Variants in COG5 observed in about 807,000 individuals in gnomAD.
COG5 encodes the protein conserved oligomeric Golgi complex subunit 5.
In COG5, 86 loss-of-function variants were observed where a neutral mutation model predicts 110.4. That is an observed-to-expected ratio of 0.78 (90% confidence interval 0.65 to 0.93). COG5 has a LOEUF of 0.93. Ranked by LOEUF, COG5 falls within the 40% of genes least tolerant of loss-of-function variation. COG5 has a pLI of 0.00. For synonymous variants in COG5, 360 were observed against 334.6 expected (o/e 1.08, Z -0.83); for missense variants, 1,077 against 987.0 (o/e 1.09, Z -1.22).
chr7:107,347,189 T>C (rs1013262123), intron 10 of COG5, among the ~76,000 whole-genome samples: 51 of 152,190 alleles, frequency 3.4e-4, no homozygotes, highest in African/African-American at 1.2e-3. Context: ...CCTGACATTC[T>C]TTCAAATGTT....
chr7:107,452,231 C>T (rs1795383902), intron 6 of COG5, among the ~76,000 whole-genome samples: 1 of 152,194 alleles, frequency 6.6e-6, no homozygotes, highest in Admixed American at 6.5e-5. Context: ...ATCCATTTGA[C>T]ATTATTGTCA....
intron 6 of COG5, among the ~76,000 whole-genome samples, chr7:107,524,184 C>T (rs933318457): frequency 1.3e-5 from 2 of 152,142 alleles, no homozygotes; most frequent in Non-Finnish European, 1.5e-5. Context: ...GTGTACAATG[C>T]AGTGGTTTTT....
At chr7:107,421,999 TTTG>T (rs1470877107) in intron 6 of COG5, among the ~76,000 whole-genome samples, 1 of 152,142 alleles carries the variant, frequency 6.6e-6, no homozygotes, top group Non-Finnish European at 1.5e-5. Flanking sequence ...GAAGAAAAAC[TTTG>T]TTATTAGAAA....
chr7:107,554,494 G>T (rs1232896109), intron 2 of COG5, 152 bp from the exon 3 acceptor site: 7 of 701,912 alleles, frequency 1.0e-5, no homozygotes, highest in Non-Finnish European at 1.3e-5. Context: ...TGTCTGAGAT[G>T]AGTTGTAAGC....
chr7:107,362,343 T>C lies in COG5; in HGVS notation c.913A>G (p.Lys305Glu). ...LRASFWTNME[K>E]LMDHIYAVCG... ...ACAGCATAAATATGATCCATAAGTTTCTCCATATTGGTCCAGAATGAGGCA... is the reference window on the plus strand; with the variant it reads ...ACAGCATAAATATGATCCATAAGTTCCTCCATATTGGTCCAGAATGAGGCA... Residue 305 changes from lysine (K) to glutamate (E), a missense_variant, in exon 9 of 22, where the codon AAA becomes GAA. Physicochemically the swap from Lys to Glu is moderately conservative, Grantham distance 56. Transcript: ENST00000297135. 8 of 1,613,244 alleles carry C rather than the reference T, an allele frequency of 5.0e-6. No individual in the cohort carries two copies. Among genetic ancestry groups the C allele is most frequent in the Non-Finnish European group, 6.8e-6 (8 of 1,179,228 alleles).
chr7:107,480,699 A>C (rs1486147932), intron 6 of COG5: 1 of 152,166 alleles, frequency 6.6e-6, no homozygotes. Flanking sequence ...GGCTGCACAT[A>C]CTAGAAATAT....
intron 6 of COG5, among the ~76,000 whole-genome samples, chr7:107,413,437 A>T (rs1430815065): frequency 6.6e-6 from 1 of 152,116 alleles, no homozygotes; most frequent in East Asian, 1.9e-4. Context: ...AAAGGGCTCT[A>T]AGAGCTGGGA....
chr7:107,375,819 T>C (rs1223002545), intron 7 of COG5, among the ~76,000 whole-genome samples: 1 of 152,018 alleles, frequency 6.6e-6, no homozygotes, highest in Admixed American at 6.5e-5. Flanking sequence ...CTAATTTGAA[T>C]GTAGCCCATT....
intron 17 of COG5, among the ~76,000 whole-genome samples, chr7:107,239,756 T>C (rs1407264511): frequency 1.3e-5 from 2 of 152,044 alleles, no homozygotes; most frequent in Non-Finnish European, 2.9e-5. Context: ...CAGGTGCATG[T>C]TGTTTAAGTT....
At chr7:107,429,151 A>T (rs938187663) in intron 6 of COG5, among the ~76,000 whole-genome samples, 2 of 152,196 alleles carry the variant, frequency 1.3e-5, no homozygotes, top group Non-Finnish European at 2.9e-5. Context: ...TTTTATCTAA[A>T]ATATTTTAGC....
chr7:107,230,331 A>G (rs1562923920), intron 19 of COG5, among the ~76,000 whole-genome samples: 1 of 152,114 alleles, frequency 6.6e-6, no homozygotes, highest in Admixed American at 6.6e-5. Flanking sequence ...TAAGAATCGG[A>G]AGCTAAAAAT....
chr7:107,402,499 G>T (rs1791509202), intron 7 of COG5, among the ~76,000 whole-genome samples: 1 of 152,158 alleles, frequency 6.6e-6, no homozygotes, highest in African/African-American at 2.4e-5. Flanking sequence ...TTTACTGTGG[G>T]GGACTGGTAT....
chr7:107,366,272 T>C (rs942067034), intron 8 of COG5, among the ~76,000 whole-genome samples: 4 of 152,076 alleles, frequency 2.6e-5, no homozygotes, highest in African/African-American at 9.7e-5. Flanking sequence ...AATGCAAAGA[T>C]ACTGGAAGCA....
intron 6 of COG5, among the ~76,000 whole-genome samples, chr7:107,482,530 G>A (rs752366362): frequency 2.9e-4 from 44 of 151,960 alleles, no homozygotes; most frequent in Non-Finnish European, 5.9e-4. Context: ...GACAGACTAT[G>A]TATCAAGGTG....
intron 10 of COG5, among the ~76,000 whole-genome samples, chr7:107,330,665 T>C (rs1229160463): frequency 6.6e-6 from 1 of 152,156 alleles, no homozygotes; most frequent in African/African-American, 2.4e-5. Context: ...TGAAGTCAAA[T>C]AACCTTGACT....
At chr7:107,394,562 G>C (rs1405683218) in intron 7 of COG5, among the ~76,000 whole-genome samples, 2 of 152,218 alleles carry the variant, frequency 1.3e-5, no homozygotes, top group African/African-American at 4.8e-5. Context: ...TAATGGAACA[G>C]AGATGTAGCA....
Position 107,524,856 on chromosome 7 carries a change from T to C in COG5, c.538+2381A>G, listed in dbSNP as rs183657294. 2.2e-4 allele frequency among the ~76,000 whole-genome samples: 34 copies of C among 152,314 alleles called. 1 individual carries two copies. In the East Asian group the frequency reaches 4.0e-3, roughly 18 times the overall value. The stretch of plus-strand genomic sequence containing the variant: ...TAAAGCCAACAGCACATTGGAAGGA[T>C]AATGGTTTTACACTGCATTATACTA... On this transcript the variant is annotated intron_variant, in intron 6 of 21. Coordinates refer to ENST00000297135, the MANE Select transcript of COG5 (RefSeq NM_006348.5).
chr7:107,300,224 A>G (rs1308515342), intron 11 of COG5, among the ~76,000 whole-genome samples: 1 of 152,152 alleles, frequency 6.6e-6, no homozygotes, highest in East Asian at 1.9e-4. Flanking sequence ...TACAGCTAAT[A>G]TAATACTTAA....
At chr7:107,264,502 G>T (rs1274541717) in intron 14 of COG5, among the ~76,000 whole-genome samples, 1 of 152,034 alleles carries the variant, frequency 6.6e-6, no homozygotes, top group Non-Finnish European at 1.5e-5. Context: ...GACCAGCCTG[G>T]GTAACATGGC....
Sources: allele counts gnomAD v4.1 joint callset (sites outside exome capture counted in the v4.1 genomes callset), GRCh38; gene constraint gnomAD v4.1.1; transcripts MANE v1.5; gene names NCBI Gene and HGNC (gene_info 2026-07-23, HGNC 2026-07-21).